EGLN1: variants seen among roughly 807,000 people sequenced by gnomAD.
The protein encoded by EGLN1 is egl-9 family hypoxia inducible factor 1.
EGLN1 carries 17 observed loss-of-function variants against 38.3 expected under a neutral mutation model. That is an observed-to-expected ratio of 0.44 (90% CI 0.30 to 0.67). The LOEUF (loss-of-function observed/expected upper bound fraction) is 0.67, where lower values mean the gene tolerates loss of function less well. EGLN1 is among the 30% of genes least tolerant of loss of function. The probability of loss-of-function intolerance (pLI) is 0.08; values close to 1 mark genes in which losing one functional copy is unlikely to be tolerated. For synonymous variants in EGLN1, 283 were observed against 257.5 expected, an observed-to-expected ratio of 1.10 and a Z score of -0.95; for missense variants, 477 against 603.3, an observed-to-expected ratio of 0.79 and a Z score of 2.19.
At chr1:231,375,216 C>T (rs549414020) in intron 1 of EGLN1, among the ~76,000 whole-genome samples, 13 of 151,972 alleles carry the variant, frequency 8.6e-5, no homozygotes, top group Non-Finnish European at 1.2e-4. Flanking sequence ...CTGCCAGGCC[C>T]GGCTAATTTT....
At position 231,421,914 on chromosome 1, in the gene EGLN1, A is replaced by G. The variant is rs757708476; in HGVS notation, c.-26T>C. 1.4e-6 allele frequency: 2 copies of G among 1,380,220 alleles called. No individual in the cohort carries two copies. Among genetic ancestry groups the G allele is most frequent in the South Asian group, 1.7e-5 (1 of 60,490 alleles). 85.5% of individuals were successfully genotyped at this position (1,380,220 alleles called of 1,614,324 possible). A position where few individuals can be genotyped will look rare whatever the true frequency, so the allele number is the denominator to read the frequency against. ...GGCGGCGGCGGCGGCGGCGACGGCG[A>G]CTGCGGCGGCCGAGCAGGAGGGGTA... On this transcript the variant is annotated 5_prime_UTR_variant, in exon 1 of 5. Transcript: ENST00000366641. The surrounding 1 kb of genome is among the most constrained non-coding windows in gnomAD (Gnocchi z 5.5).
At chr1:231,394,661 T>A (rs1008334063) in intron 1 of EGLN1, among the ~76,000 whole-genome samples, 2 of 151,742 alleles carry the variant, frequency 1.3e-5, no homozygotes, top group Non-Finnish European at 2.9e-5. Context: ...AGTGCTGGGA[T>A]TACATGCATA....
chr1:231,379,599 G>C (rs903849460), intron 1 of EGLN1, among the ~76,000 whole-genome samples: 3 of 152,128 alleles, frequency 2.0e-5, no homozygotes, highest in African/African-American at 7.2e-5. Flanking sequence ...AGCCAGCCTT[G>C]GGCAGGACGC....
intron 1 of EGLN1, among the ~76,000 whole-genome samples, chr1:231,417,732 T>C (rs1033110022): frequency 2.0e-5 from 3 of 152,224 alleles, no homozygotes; most frequent in African/African-American, 7.2e-5. Flanking sequence ...TTTTCCCTTA[T>C]GGTTCCTTTT....
intron 1 of EGLN1, among the ~76,000 whole-genome samples, chr1:231,379,306 G>T (rs1688027165): frequency 6.6e-6 from 1 of 152,178 alleles, no homozygotes; most frequent in Non-Finnish European, 1.5e-5. Flanking sequence ...AAGATGTACA[G>T]TAAGTCCTCA....
intron 1 of EGLN1, among the ~76,000 whole-genome samples, chr1:231,379,701 G>A (rs1401340767): frequency 2.6e-5 from 4 of 152,158 alleles, no homozygotes; most frequent in Admixed American, 1.3e-4. Context: ...TGCACACATT[G>A]GGATGTGGGA....
intron 1 of EGLN1, among the ~76,000 whole-genome samples, chr1:231,386,497 T>C (rs1204212876): frequency 6.6e-6 from 1 of 152,248 alleles, no homozygotes; most frequent in Non-Finnish European, 1.5e-5. Context: ...TCTACTTTTA[T>C]CACTTTGAAT....
chr1:231,397,886 C>T (rs374062849), intron 1 of EGLN1, among the ~76,000 whole-genome samples: 2 of 152,060 alleles, frequency 1.3e-5, no homozygotes, highest in East Asian at 3.8e-4. Context: ...TGAGATAAGA[C>T]AGATGAAATG....
intron 3 of EGLN1, among the ~76,000 whole-genome samples, chr1:231,367,906 G>A (rs1301518043): frequency 1.3e-5 from 2 of 152,150 alleles, no homozygotes; most frequent in African/African-American, 4.8e-5. Flanking sequence ...ACAATAGGCC[G>A]GGCACAGTGG....
At chr1:231,414,710 G>A (rs1163466797) in intron 1 of EGLN1, among the ~76,000 whole-genome samples, 1 of 151,162 alleles carries the variant, frequency 6.6e-6, no homozygotes, top group Admixed American at 6.6e-5. Flanking sequence ...CCAGTGCGAT[G>A]GCTCATACCT....
intron 3 of EGLN1, among the ~76,000 whole-genome samples, chr1:231,368,115 G>A (rs767481774): frequency 6.6e-5 from 10 of 152,154 alleles, no homozygotes; most frequent in East Asian, 5.8e-4. Context: ...GCTTGAACCC[G>A]GGGAGGCGGA....
chr1:231,401,968 A>C (rs1220268556), intron 1 of EGLN1, among the ~76,000 whole-genome samples: 1 of 152,212 alleles, frequency 6.6e-6, no homozygotes, highest in Non-Finnish European at 1.5e-5. Flanking sequence ...TGTCCTTGCC[A>C]AAACTTGGTA....
At chr1:231,411,236 T>C (rs1688934684) in intron 1 of EGLN1, among the ~76,000 whole-genome samples, 1 of 152,206 alleles carries the variant, frequency 6.6e-6, no homozygotes, top group African/African-American at 2.4e-5. Context: ...TGAGATCTTA[T>C]GTTAAAAGTG....
At chr1:231,368,768 G>C (rs1464104983) in intron 3 of EGLN1, among the ~76,000 whole-genome samples, 2 of 152,166 alleles carry the variant, frequency 1.3e-5, no homozygotes, top group Admixed American at 6.5e-5. Flanking sequence ...TTGAAGTAAA[G>C]AGTCTGGGAG....
intron 1 of EGLN1, among the ~76,000 whole-genome samples, chr1:231,419,136 T>C (rs980387354): frequency 2.0e-5 from 3 of 152,158 alleles, no homozygotes; most frequent in Admixed American, 2.0e-4. Context: ...GCAGATCAAA[T>C]CCAAAGAGTT....
chr1:231,401,651 A>G (rs1210212511), intron 1 of EGLN1, among the ~76,000 whole-genome samples: 2 of 152,208 alleles, frequency 1.3e-5, no homozygotes, highest in South Asian at 2.1e-4. Flanking sequence ...GTTGCTGCAT[A>G]AAAGACTAGT....
intron 1 of EGLN1, among the ~76,000 whole-genome samples, chr1:231,413,148 T>TCACTG (rs1262104323): frequency 5.9e-5 from 9 of 152,106 alleles, no homozygotes; most frequent in African/African-American, 2.2e-4. Flanking sequence ...TCATCTTGGC[T>TCACTG]CACTGCAAGC....
chr1:231,408,441 G>T (rs1207785493), intron 1 of EGLN1, among the ~76,000 whole-genome samples: 1 of 152,126 alleles, frequency 6.6e-6, no homozygotes, highest in African/African-American at 2.4e-5. Flanking sequence ...GAATCAAATT[G>T]TATCCTTAGC....
chr1:231,412,388 C>T (rs1227069860), intron 1 of EGLN1, among the ~76,000 whole-genome samples: 1 of 152,210 alleles, frequency 6.6e-6, no homozygotes, highest in Admixed American at 6.5e-5. Flanking sequence ...TTATTTCTGA[C>T]TTCATTTTGA....
Sources: allele counts gnomAD v4.1 joint callset (sites outside exome capture counted in the v4.1 genomes callset), GRCh38; gene constraint gnomAD v4.1.1; non-coding constraint Gnocchi (gnomAD v3.1); transcripts MANE v1.5; gene names NCBI Gene and HGNC (gene_info 2026-07-23, HGNC 2026-07-21).